STYXL2: variants seen among roughly 807,000 people sequenced by gnomAD.
STYXL2 encodes the protein serine/threonine/tyrosine-interacting-like protein 2.
Under a neutral mutation model 52.4 loss-of-function variants are expected in STYXL2, and 44 were observed. The observed-to-expected ratio is 0.84, with a 90% CI of 0.66 to 1.08. The LOEUF is 1.08. Ranked by LOEUF, STYXL2 falls within the 50% of genes least tolerant of loss-of-function variation. The pLI is 0.00. For synonymous variants in STYXL2, 604 were observed against 586.9 expected (o/e 1.03, Z -0.42); for missense variants, 1,604 against 1,471.7 (o/e 1.09, Z -1.47).
At position 167,126,547 on chromosome 1, in the gene STYXL2, C is replaced by T; in HGVS notation, c.1416C>T (p.Ser472=). 1 of 1,613,810 alleles carries T rather than the reference C, an allele frequency of 6.2e-7. No homozygotes were observed. Among genetic ancestry groups the T allele is most frequent in the Admixed American group, 1.7e-5 (1 of 60,002 alleles). The change falls in exon 6 of 6, where the codon TCC becomes TCT. Residue 472 remains serine, a synonymous_variant. Transcript: ENST00000361200. ...HGRRRRADSM[S]SESTWDAWNE... ...GGAGGCGCCGCGCAGACTCGATGTC[C>T]TCGGAGAGCACCTGGGACGCATGGA...
chr1:167,104,385 G>A lies in STYXL2; in HGVS notation c.111-9325G>A, dbSNP rs1045907137. ...CAGTTTTGTAGAACTGCTTGGTAAGGCTCGATCAGGCTTCCTGTCACGGTG... is the reference window on the plus strand; with the variant it reads ...CAGTTTTGTAGAACTGCTTGGTAAGACTCGATCAGGCTTCCTGTCACGGTG... On this transcript the variant is annotated intron_variant, in intron 2 of 5. Coordinates refer to ENST00000361200, the MANE Select transcript of STYXL2 (RefSeq NM_001080426.3). Among the ~76,000 whole-genome samples, 12 of 152,082 alleles carry A rather than the reference G, an allele frequency of 7.9e-5. 1 individual carries two copies. The highest frequency in any genetic ancestry group is 4.4e-5 in the Non-Finnish European group (3 of 68,002).
At position 167,127,621 on chromosome 1, in the gene STYXL2, T is replaced by A. The variant is rs1429147955; in HGVS notation, c.2490T>A (p.Asn830Lys). ...CCATCTTCAGCCTCTTTGCTGACAA[T>A]GTGGACCTAAAGGAACTTGGCCGGA... ...SKPIFSLFAD[N>K]VDLKELGRKE... Residue 830 changes from asparagine (N) to lysine (K), a missense_variant, in exon 6 of 6, where the codon AAT becomes AAA. Asn to Lys is a moderately conservative substitution (Grantham distance 94, BLOSUM62 0). Transcript: ENST00000361200. 1 of 1,614,060 alleles carries A rather than the reference T, an allele frequency of 6.2e-7. No individual in the cohort carries two copies. The highest frequency in any genetic ancestry group is 8.5e-7 in the Non-Finnish European group (1 of 1,180,000).
intron 2 of STYXL2, among the ~76,000 whole-genome samples, chr1:167,108,477 T>C (rs1284200955): frequency 6.6e-6 from 1 of 152,216 alleles, no homozygotes; most frequent in Admixed American, 6.5e-5. Flanking sequence ...AAATGCATCT[T>C]TTCGTCACAG....
intron 2 of STYXL2, among the ~76,000 whole-genome samples, chr1:167,096,193 G>A (rs1390163345): frequency 6.6e-6 from 1 of 152,056 alleles, no homozygotes; most frequent in Non-Finnish European, 1.5e-5. Flanking sequence ...GGGAGGCGGA[G>A]GTTTCAGTGA....
At chr1:167,113,121 C>T (rs765339256) in intron 2 of STYXL2, among the ~76,000 whole-genome samples, 12 of 139,754 alleles carry the variant, frequency 8.6e-5, no homozygotes, top group Non-Finnish European at 1.5e-4. Flanking sequence ...TCCCTGGGCT[C>T]AACCTGACTC....
intron 2 of STYXL2, among the ~76,000 whole-genome samples, chr1:167,110,653 T>G (rs563820456): frequency 2.0e-5 from 3 of 152,190 alleles, no homozygotes; most frequent in Non-Finnish European, 4.4e-5. Flanking sequence ...GGTGTGAGAA[T>G]TAACAATAGT....
chr1:167,126,076 AGAG>A lies in STYXL2; in HGVS notation c.951_953del (p.Glu317del). 1.3e-6 allele frequency: 2 copies of A among 1,540,248 alleles called. No homozygotes were observed. The highest frequency in any genetic ancestry group is 1.7e-6 in the Non-Finnish European group (2 of 1,144,776). On this transcript the variant is annotated inframe_deletion, in exon 6 of 6. Coordinates refer to ENST00000361200, the MANE Select transcript of STYXL2 (RefSeq NM_001080426.3). ...CCAGAGTGCACGCCCTGACGGTGGA[AGAG>A]GAGGACGACAGCGCCAGCCACCTGA...
chr1:167,104,673 G>A (rs927403851), intron 2 of STYXL2, among the ~76,000 whole-genome samples: 4 of 151,994 alleles, frequency 2.6e-5, no homozygotes, highest in African/African-American at 4.8e-5. Flanking sequence ...ATTTTCTTCC[G>A]TTTACTGACT....
Position 167,128,725 on chromosome 1 carries a change from A to G in STYXL2, c.*117A>G. ...TACAGAGAGGATCTTCCAGAGGGGCAGAGCCAAAATGAGAGGTACCAAGCA... is the reference window on the plus strand; with the variant it reads ...TACAGAGAGGATCTTCCAGAGGGGCGGAGCCAAAATGAGAGGTACCAAGCA... On this transcript the variant is annotated 3_prime_UTR_variant, in exon 6 of 6. Coordinates refer to ENST00000361200, the MANE Select transcript of STYXL2 (RefSeq NM_001080426.3). 2 of 1,439,474 alleles carry G rather than the reference A, an allele frequency of 1.4e-6. No individual in the cohort carries two copies. Among genetic ancestry groups the G allele is most frequent in the Non-Finnish European group, 1.8e-6 (2 of 1,101,846 alleles). The allele number at this position is 1,439,474 out of a possible 1,614,324, so 89.2% of individuals were successfully genotyped here. A position where few individuals can be genotyped will look rare whatever the true frequency, so the allele number is the denominator to read the frequency against.
chr1:167,127,926 A>G lies in STYXL2; in HGVS notation c.2795A>G (p.Asp932Gly). ...GGCAGCAGAGTTGGCAAAGAGATGG[A>G]TAGCAGTATTAATAAGTGGCTCAGT... is the stretch of plus-strand genomic sequence containing the variant. ...ASGSRVGKEM[D>G]SSINKWLSGL... Residue 932 changes from aspartate to glycine, a missense_variant, in exon 6 of 6, where the codon GAT (aspartate) becomes GGT (glycine). Coordinates refer to ENST00000361200, the MANE Select transcript of STYXL2 (RefSeq NM_001080426.3). 6.2e-7 allele frequency: 1 copy of G among 1,614,154 alleles called. No individual in the cohort carries two copies. The highest frequency in any genetic ancestry group is 1.3e-5 in the African/African-American group (1 of 75,036).
At chr1:167,100,374 C>T (rs1423717716) in intron 2 of STYXL2, among the ~76,000 whole-genome samples, 6 of 152,116 alleles carry the variant, frequency 3.9e-5, no homozygotes, top group South Asian at 2.1e-4. Context: ...CTAGGAAATA[C>T]GTATTTTATT....
At chr1:167,121,127 C>A (rs1571345106) in intron 5 of STYXL2, among the ~76,000 whole-genome samples, 2 of 151,722 alleles carry the variant, frequency 1.3e-5, no homozygotes, top group Non-Finnish European at 2.9e-5. Context: ...ATTCTTCTGC[C>A]TCAGCGTCCC....
intron 4 of STYXL2, among the ~76,000 whole-genome samples, chr1:167,118,288 G>A (rs557620031): frequency 2.0e-5 from 3 of 152,114 alleles, no homozygotes; most frequent in Non-Finnish European, 2.9e-5. Context: ...GCATAATTGC[G>A]ACCACTTGGT....
In STYXL2 at chr1:167,128,437, G is replaced by A; in HGVS notation, c.3306G>A (p.Glu1102=). The change falls in exon 6 of 6, where the codon GAG becomes GAA. Residue 1102 remains glutamate (E), a synonymous_variant. Transcript: ENST00000361200. Reference sequence around the variant, plus strand: ...GGTCTGAAGAAGAGGGAGAGAAAGAGAGGACAGAAAACAGAGAAGAAGGGA... The same window carrying A: ...GGTCTGAAGAAGAGGGAGAGAAAGAAAGGACAGAAAACAGAGAAGAAGGGA... ...FMRSEEEGEK[E]RTENREEGRF... 1 of 1,614,152 alleles carries A rather than the reference G, an allele frequency of 6.2e-7. No individual in the cohort carries two copies.
chr1:167,117,481 G>C lies in STYXL2; in HGVS notation c.359G>C (p.Arg120Pro), dbSNP rs149732757. ...ACGCCCTGTGTCCTGGACCTACAGCGGGCCCTGGTTCAGGATCGCCAAGAG... is the reference window on the plus strand; with the variant it reads ...ACGCCCTGTGTCCTGGACCTACAGCCGGCCCTGGTTCAGGATCGCCAAGAG... ...YNTPCVLDLQ[R>P]ALVQDRQEAP... Residue 120 changes from arginine to proline, a missense_variant, in exon 4 of 6, where the codon CGG (arginine) becomes CCG (proline). By Grantham distance (103) the Arg-to-Pro change is moderately radical. Transcript: ENST00000361200. The C allele has an allele frequency of 2.5e-6, 4 of 1,612,190 alleles. No individual in the cohort carries two copies. The Admixed American group carries it at 6.7e-5, about 27-fold the overall frequency.
At chr1:167,102,311 A>ATG (rs1179468142) in intron 2 of STYXL2, among the ~76,000 whole-genome samples, 1 of 151,264 alleles carries the variant, frequency 6.6e-6, no homozygotes, top group Non-Finnish European at 1.5e-5. Flanking sequence ...AAAAATATAT[A>ATG]TATATATAAA....
intron 5 of STYXL2, among the ~76,000 whole-genome samples, chr1:167,123,990 T>G (rs1667909383): frequency 6.6e-6 from 1 of 151,914 alleles, no homozygotes; most frequent in Admixed American, 6.6e-5. Flanking sequence ...CAATCACCAC[T>G]CACTGCAGCC....
At chr1:167,102,480 T>C (rs1380927442) in intron 2 of STYXL2, among the ~76,000 whole-genome samples, 2 of 152,138 alleles carry the variant, frequency 1.3e-5, no homozygotes, top group African/African-American at 4.8e-5. Context: ...ATACCAGTTT[T>C]ACCCAGGAGT....
At chr1:167,110,632 C>A (rs1667598189) in intron 2 of STYXL2, among the ~76,000 whole-genome samples, 1 of 152,160 alleles carries the variant, frequency 6.6e-6, no homozygotes, top group South Asian at 2.1e-4. Context: ...AACTTAAGAG[C>A]TCAAAGACAA....
Sources: allele counts gnomAD v4.1 joint callset (sites outside exome capture counted in the v4.1 genomes callset), GRCh38; gene constraint gnomAD v4.1.1; transcripts MANE v1.5; gene names NCBI Gene and HGNC (gene_info 2026-07-23, HGNC 2026-07-21).